STXBP4: variants seen among roughly 807,000 people sequenced by gnomAD.
The protein encoded by STXBP4 is syntaxin-binding protein 4.
A neutral mutation model predicts 76.1 loss-of-function variants in STXBP4; 55 were observed. The ratio of observed to expected loss-of-function variants is 0.72; its 90% CI spans 0.58 to 0.91. The LOEUF (loss-of-function observed/expected upper bound fraction) is 0.91. Ranked by LOEUF, STXBP4 falls within the 40% of genes least tolerant of loss-of-function variation. STXBP4 has a pLI of 0.00. For missense variants in STXBP4, 618 were observed against 636.9 expected (o/e 0.97, Z 0.32); for synonymous variants, 201 against 220.2 (o/e 0.91, Z 0.77).
intron 17 of STXBP4, among the ~76,000 whole-genome samples, chr17:55,155,510 A>T (rs796373934): frequency 7.2e-6 from 1 of 138,556 alleles, no homozygotes; most frequent in African/African-American, 2.6e-5. Context: ...TACAATTATC[A>T]CCCCCCCCCC....
chr17:55,193,815 G>GAAAAAAA, the STXBP4 span, among the ~76,000 whole-genome samples: 3 of 105,874 alleles, frequency 2.8e-5, no homozygotes, highest in African/African-American at 7.3e-5. Context: ...CCTGATTTCA[G>GAAAAAAA]AAAAAAAAAA....
At chr17:55,203,842 CT>C in the STXBP4 span, among the ~76,000 whole-genome samples, 1 of 151,862 alleles carries the variant, frequency 6.6e-6, no homozygotes, top group Non-Finnish European at 1.5e-5. Context: ...TGAAGGTGAT[CT>C]TTTTTTTCTT....
chr17:55,122,201 C>T (rs560690231), intron 16 of STXBP4, among the ~76,000 whole-genome samples: 4 of 152,242 alleles, frequency 2.6e-5, no homozygotes, highest in Non-Finnish European at 4.4e-5. Context: ...TTATTATGCA[C>T]CAAAGCCTGA....
In STXBP4 at chr17:55,112,508, G is replaced by C. The variant is rs868566708; in HGVS notation, c.1490-28802G>C. 2.0e-5 allele frequency among the ~76,000 whole-genome samples: 3 copies of C among 152,150 alleles called. No individual in the cohort carries two copies. The South Asian group carries it at 6.2e-4, about 31-fold the overall frequency. Reference sequence around the variant, plus strand: ...TTGACAAGAGAAACAATGATGAAGAGTAAAAATGACACTGGATTTTTGATC... The same window carrying C: ...TTGACAAGAGAAACAATGATGAAGACTAAAAATGACACTGGATTTTTGATC... On this transcript the variant is annotated intron_variant, in intron 16 of 17. Coordinates refer to ENST00000376352, the MANE Select transcript of STXBP4 (RefSeq NM_178509.6).
Position 54,968,807 on chromosome 17 carries a change from A to G in STXBP4, c.-165A>G. ...GTCGGGCTACGGAGGCCGGGTTGCC[A>G]GATTACGGGTAAGTTTGCGTTTTGC... On this transcript the variant is annotated 5_prime_UTR_variant, in exon 1 of 18. Coordinates refer to ENST00000376352, the MANE Select transcript of STXBP4 (RefSeq NM_178509.6). 1.4e-6 allele frequency: 1 copy of G among 728,854 alleles called. No individual in the cohort carries two copies. The highest frequency in any genetic ancestry group is 2.6e-5 in the East Asian group (1 of 38,398). 45.1% of individuals were successfully genotyped at this position (728,854 alleles called of 1,614,324 possible).
chr17:55,051,744 C>T (rs2078862219), intron 12 of STXBP4, among the ~76,000 whole-genome samples: 2 of 151,924 alleles, frequency 1.3e-5, no homozygotes, highest in African/African-American at 4.8e-5. Context: ...AACATAGTGA[C>T]ACCTTGTCTC....
At position 55,172,570 on chromosome 17, in the gene STXBP4, A is replaced by G. The variant is rs1248570665; in HGVS notation, c.*12659A>G. ...TTTAATAATACTTTTATTTTTCCAA[A>G]TTTGAAGACTGTCCCTAAGTCATTT... is the stretch of plus-strand genomic sequence containing the variant. On this transcript the variant is annotated 3_prime_UTR_variant, in exon 18 of 18. Coordinates refer to ENST00000376352, the MANE Select transcript of STXBP4 (RefSeq NM_178509.6). 1 of 152,196 alleles carries G rather than the reference A, an allele frequency of 6.6e-6. No homozygotes were observed. Among genetic ancestry groups the G allele is most frequent in the African/African-American group, 2.4e-5 (1 of 41,450 alleles). 9.4% of individuals were successfully genotyped at this position (152,196 alleles called of 1,614,324 possible). A position where few individuals can be genotyped will look rare whatever the true frequency, so the allele number is the denominator to read the frequency against.
chr17:55,197,901 T>C, the STXBP4 span, among the ~76,000 whole-genome samples: 1 of 152,220 alleles, frequency 6.6e-6, no homozygotes, highest in Non-Finnish European at 1.5e-5. Flanking sequence ...GGGAGGGTCT[T>C]GACTGCAAGT....
In STXBP4 at chr17:54,999,797, C is replaced by G; in HGVS notation, c.453C>G (p.Thr151=). The G allele has an allele frequency of 6.2e-7, 1 of 1,613,438 alleles. No homozygotes were observed. The highest frequency in any genetic ancestry group is 1.7e-5 in the Admixed American group (1 of 59,974). The change falls in exon 6 of 18, where the codon ACC becomes ACG. Residue 151 remains threonine, a synonymous_variant. Coordinates refer to ENST00000376352, the MANE Select transcript of STXBP4 (RefSeq NM_178509.6). ...SSPPEILIPK[T]SSTPKTNNDI... is the part of the protein sequence containing the mutation. ...CTCCTGAAATACTAATCCCAAAGAC[C>G]TCATCCACTCCCAAAACAAATAATG...
intron 4 of STXBP4, among the ~76,000 whole-genome samples, chr17:54,997,380 A>G (rs985519133): frequency 9.2e-5 from 14 of 151,920 alleles, no homozygotes; most frequent in Non-Finnish European, 1.9e-4. Flanking sequence ...TGCAGCTTCT[A>G]TACATCAGTG....
At chr17:55,107,665 C>T (rs2079652066) in intron 16 of STXBP4, among the ~76,000 whole-genome samples, 1 of 152,198 alleles carries the variant, frequency 6.6e-6, no homozygotes, top group Admixed American at 6.5e-5. Flanking sequence ...TTCCTTCTAA[C>T]AGTCAGGCCC....
chr17:55,071,952 A>C (rs2079124834), intron 12 of STXBP4, among the ~76,000 whole-genome samples: 1 of 152,190 alleles, frequency 6.6e-6, no homozygotes, highest in African/African-American at 2.4e-5. Context: ...ATATTAAATT[A>C]TATTGGTGTC....
chr17:55,126,923 G>C (rs2145109001), intron 16 of STXBP4, among the ~76,000 whole-genome samples: 1 of 152,300 alleles, frequency 6.6e-6, no homozygotes, highest in South Asian at 2.1e-4. Context: ...TTTGTAATGG[G>C]ATTTCTCATA....
the STXBP4 span, among the ~76,000 whole-genome samples, chr17:55,195,565 G>A: frequency 6.6e-6 from 1 of 152,132 alleles, no homozygotes; most frequent in African/African-American, 2.4e-5. Context: ...TCCCAACTCA[G>A]CTTACTGAGT....
intron 16 of STXBP4, among the ~76,000 whole-genome samples, chr17:55,097,656 C>A (rs1393381721): frequency 2.8e-5 from 4 of 140,546 alleles, no homozygotes; most frequent in Non-Finnish European, 4.8e-5. Flanking sequence ...GAGCAAGACT[C>A]CATCTCAAAA....
intron 8 of STXBP4, among the ~76,000 whole-genome samples, chr17:55,021,207 GGTTT>G (rs2078304175): frequency 6.6e-6 from 1 of 152,036 alleles, no homozygotes; most frequent in African/African-American, 2.4e-5. Flanking sequence ...CTTGCTTGCA[GGTTT>G]TAAGCCATCA....
intron 16 of STXBP4, among the ~76,000 whole-genome samples, chr17:55,109,955 A>G (rs1182729533): frequency 6.6e-6 from 1 of 152,190 alleles, no homozygotes; most frequent in Non-Finnish European, 1.5e-5. Flanking sequence ...GTCTTAAAAC[A>G]ATACAAATGT....
At chr17:55,108,248 C>A (rs749202216) in intron 16 of STXBP4, among the ~76,000 whole-genome samples, 5 of 152,126 alleles carry the variant, frequency 3.3e-5, no homozygotes, top group Non-Finnish European at 7.3e-5. Flanking sequence ...TAATGGTGGA[C>A]GCCCCTCCCC....
Position 55,163,012 on chromosome 17 carries a change from G to A in STXBP4, c.*3101G>A, listed in dbSNP as rs1187605084. On this transcript the variant is annotated 3_prime_UTR_variant, in exon 18 of 18. Transcript: ENST00000376352. The stretch of plus-strand genomic sequence containing the variant: ...TTTCCTCATGTATCTTTGCACTCTT[G>A]TGCTAGTATGTCTATAGTGTGAATA... The A allele has an allele frequency of 6.6e-6, 1 of 152,046 alleles. No individual in the cohort carries two copies. The highest frequency in any genetic ancestry group is 1.5e-5 in the Non-Finnish European group (1 of 68,018). 9.4% of individuals were successfully genotyped at this position (152,046 alleles called of 1,614,324 possible).
Sources: allele counts gnomAD v4.1 joint callset (sites outside exome capture counted in the v4.1 genomes callset), GRCh38; gene constraint gnomAD v4.1.1; transcripts MANE v1.5; gene names NCBI Gene and HGNC (gene_info 2026-07-23, HGNC 2026-07-21).